Variants in MGST1 observed in about 807,000 individuals in gnomAD.
MGST1 encodes the protein microsomal glutathione S-transferase 1.
Under a neutral mutation model 8.9 loss-of-function variants are expected in MGST1, and 5 were observed. The ratio of observed to expected loss-of-function variants is 0.56; its 90% CI spans 0.29 to 1.19. The LOEUF (loss-of-function observed/expected upper bound fraction) is 1.19, where lower values mean the gene tolerates loss of function less well. Among genes scored for constraint, MGST1 ranks in the 50% most tolerant of loss-of-function variants. MGST1 has a pLI of 0.08. For synonymous variants in MGST1, 54 were observed against 67.8 expected (o/e 0.80, Z 1.00); for missense variants, 182 against 187.4 (o/e 0.97, Z 0.17).
intron 1 of MGST1, chr12:16,400,113 C>T (rs974392673): frequency 2.6e-6 from 4 of 1,555,846 alleles, no homozygotes; most frequent in African/African-American, 2.7e-5. Context: ...GTTTGTGCCT[C>T]ATTTCTCGTT....
At chr12:16,447,428 G>A (rs914129867) in intron 4 of MGST1, among the ~76,000 whole-genome samples, 1 of 152,022 alleles carries the variant, frequency 6.6e-6, no homozygotes, top group African/African-American at 2.4e-5. Flanking sequence ...AGATGACCCT[G>A]TTGCCTTGTG....
At chr12:16,542,845 T>C (rs1041142418) in intron 4 of MGST1, among the ~76,000 whole-genome samples, 7 of 152,224 alleles carry the variant, frequency 4.6e-5, no homozygotes, top group Admixed American at 2.0e-4. Flanking sequence ...CTCTGTCAGA[T>C]AGATGAGTCA....
chr12:16,491,871 G>T (rs1444034698), intron 4 of MGST1, among the ~76,000 whole-genome samples: 2 of 152,024 alleles, frequency 1.3e-5, no homozygotes, highest in East Asian at 3.9e-4. Flanking sequence ...TTGAAAGCCG[G>T]TGTTTTAGTA....
At position 16,410,739 on chromosome 12, in the gene MGST1, A is replaced by G. The variant is rs991070093; in HGVS notation, n.779-26649A>G. Among the ~76,000 whole-genome samples, 4 of 149,728 alleles carry G rather than the reference A, an allele frequency of 2.7e-5. No homozygotes were observed. Among genetic ancestry groups the G allele is most frequent in the Non-Finnish European group, 4.4e-5 (3 of 67,562 alleles). ...CAAATATTCAAATATACTCAAATGT[A>G]TATGTTTGATTATATATATATTTGA... On this transcript the variant is annotated intron_variant and non_coding_transcript_variant, in intron 1 of 1. Coordinates refer to the MGST1 transcript ENST00000359720. This position sits in a 1 kb window ranked among gnomAD's most constrained non-coding sequence, Gnocchi z 4.4.
At chr12:16,592,572 C>T (rs1196092229), downstream of MGST1, among the ~76,000 whole-genome samples, 1 of 151,910 alleles carries the variant, frequency 6.6e-6, no homozygotes, top group Non-Finnish European at 1.5e-5. Context: ...CATCCACTTC[C>T]CTTACTCCTA....
rs1753599003 is a variant in MGST1, at chr12:16,582,263, T to C, written n.483-7265T>C. Among the ~76,000 whole-genome samples the C allele has an allele frequency of 6.6e-6, 1 of 152,236 alleles. No homozygotes were observed. The highest frequency in any genetic ancestry group is 2.4e-5 in the African/African-American group (1 of 41,470). ...TATGGTGTTTCTTCCTCCAGTTTGA[T>C]AATACAATGAATTAGATTGAGATAT... On this transcript the variant is annotated intron_variant and non_coding_transcript_variant, in intron 4 of 4. Transcript: ENST00000538857. This position sits in a 1 kb window ranked among gnomAD's most constrained non-coding sequence, Gnocchi z 4.1.
In MGST1 at chr12:16,589,278, C is replaced by CACTGATGA. The variant is rs1223488353; in HGVS notation, n.483-249_483-242dup. Among the ~76,000 whole-genome samples, 1 of 151,942 alleles carries CACTGATGA rather than the reference C, an allele frequency of 6.6e-6. No homozygotes were observed. The highest frequency in any genetic ancestry group is 2.4e-5 in the African/African-American group (1 of 41,372). ...TAATAGGAATACATAAGTTATCTGC[C>CACTGATGA]ACTGATGATCATTGATGGAGAAGGG... On this transcript the variant is annotated intron_variant and non_coding_transcript_variant, in intron 4 of 4. Transcript: ENST00000538857. The surrounding 1 kb of genome is among the most constrained non-coding windows in gnomAD (Gnocchi z 4.2).
At chr12:16,492,123 A>G (rs1314622002) in intron 4 of MGST1, among the ~76,000 whole-genome samples, 1 of 152,202 alleles carries the variant, frequency 6.6e-6, no homozygotes, top group Non-Finnish European at 1.5e-5. Flanking sequence ...GTTCATATGA[A>G]AAAAATGGAA....
chr12:16,476,926 T>C (rs1037758175), intron 4 of MGST1, among the ~76,000 whole-genome samples: 6 of 152,232 alleles, frequency 3.9e-5, no homozygotes, highest in African/African-American at 1.4e-4. Flanking sequence ...TCAGGAGATC[T>C]GGGTTTAATT....
rs575245014 is a variant in MGST1, at chr12:16,544,166, T to C, written n.483-45362T>C. Among the ~76,000 whole-genome samples the C allele has an allele frequency of 7.2e-5, 11 of 151,946 alleles. 1 individual carries two copies. The highest frequency in any genetic ancestry group is 2.7e-4 in the African/African-American group (11 of 41,456). On this transcript the variant is annotated intron_variant and non_coding_transcript_variant, in intron 4 of 4. Transcript: ENST00000538857. This position sits in a 1 kb window ranked among gnomAD's most constrained non-coding sequence, Gnocchi z 4.8. ...CCTTTTATTTTTGGATTTCTGGTTT[T>C]CTAAGGTATTGTCTTTCAAAACAAA...
chr12:16,566,068 A>G (rs1942600706), intron 4 of MGST1, among the ~76,000 whole-genome samples: 1 of 136,136 alleles, frequency 7.3e-6, no homozygotes, highest in Non-Finnish European at 1.6e-5. Context: ...GCCATAAAAA[A>G]GAATGAAATC....
intron 4 of MGST1, among the ~76,000 whole-genome samples, chr12:16,469,675 G>T (rs1336644585): frequency 6.6e-6 from 1 of 152,186 alleles, no homozygotes; most frequent in African/African-American, 2.4e-5. Context: ...ATTCACTAAG[G>T]CTGTGGTCTT....
intron 4 of MGST1, among the ~76,000 whole-genome samples, chr12:16,511,508 T>C (rs1591748458): frequency 6.6e-6 from 1 of 152,222 alleles, no homozygotes; most frequent in Non-Finnish European, 1.5e-5. Flanking sequence ...AAAGTCATAT[T>C]GGCAATCTTT....
In MGST1 at chr12:16,547,081, C is replaced by G. The variant is rs1190094471; in HGVS notation, n.483-42447C>G. ...GAATAATACTTTTCTAATAGCATGG[C>G]CTCAAAGGAAGCTCTAGTAAAAATG... On this transcript the variant is annotated intron_variant and non_coding_transcript_variant, in intron 4 of 4. Transcript: ENST00000538857. This position sits in a 1 kb window ranked among gnomAD's most constrained non-coding sequence, Gnocchi z 4.6. Among the ~76,000 whole-genome samples the G allele has an allele frequency of 6.6e-6, 1 of 152,048 alleles. No homozygotes were observed. Among genetic ancestry groups the G allele is most frequent in the Non-Finnish European group, 1.5e-5 (1 of 68,018 alleles).
chr12:16,450,056 G>A (rs961800092), intron 4 of MGST1, among the ~76,000 whole-genome samples: 2 of 151,924 alleles, frequency 1.3e-5, no homozygotes, highest in Non-Finnish European at 2.9e-5. Flanking sequence ...GTTGGTAAGT[G>A]CCAAGAGGGA....
At chr12:16,453,327 C>T (rs771925524) in intron 4 of MGST1, among the ~76,000 whole-genome samples, 51 of 151,862 alleles carry the variant, frequency 3.4e-4, no homozygotes, top group Non-Finnish European at 6.3e-4. Flanking sequence ...AACATTTATT[C>T]TCGATTCGAG....
chr12:16,349,937 G>T (rs1045511883), intron 1 of MGST1, among the ~76,000 whole-genome samples: 1 of 151,998 alleles, frequency 6.6e-6, no homozygotes, highest in East Asian at 1.9e-4. Context: ...ATAGAGACGG[G>T]GTTTCACCAT....
intron 4 of MGST1, among the ~76,000 whole-genome samples, chr12:16,532,987 G>T (rs1941731435): frequency 6.6e-6 from 1 of 152,152 alleles, no homozygotes; most frequent in Non-Finnish European, 1.5e-5. Flanking sequence ...AATCTCAGGT[G>T]AAGCTAAGGA....
At chr12:16,530,591 T>G (rs1319133396) in intron 4 of MGST1, among the ~76,000 whole-genome samples, 3 of 152,144 alleles carry the variant, frequency 2.0e-5, no homozygotes, top group African/African-American at 7.2e-5. Flanking sequence ...TGAGGCCAGT[T>G]TATGGAGGGG....
Sources: allele counts gnomAD v4.1 joint callset (sites outside exome capture counted in the v4.1 genomes callset), GRCh38; gene constraint gnomAD v4.1.1; non-coding constraint Gnocchi (gnomAD v3.1); transcripts MANE v1.5; gene names NCBI Gene and HGNC (gene_info 2026-07-23, HGNC 2026-07-21).